METAP2: variants seen among roughly 807,000 people sequenced by gnomAD.
METAP2 encodes methionine aminopeptidase 2.
A neutral mutation model predicts 59.4 loss-of-function variants in METAP2; 25 were observed. The ratio of observed to expected loss-of-function variants is 0.42; its 90% CI spans 0.31 to 0.59. The LOEUF is 0.59. Among genes scored for constraint, METAP2 ranks in the 20% least tolerant of loss-of-function variants. The probability of loss-of-function intolerance (pLI) is 0.16; values close to 1 mark genes in which losing one functional copy is unlikely to be tolerated. For synonymous variants in METAP2, 214 were observed against 194.1 expected (o/e 1.10, Z -0.85); for missense variants, 366 against 581.2 (o/e 0.63, Z 3.81).
intron 4 of METAP2, among the ~76,000 whole-genome samples, chr12:95,488,885 C>T (rs182571904): frequency 3.3e-5 from 5 of 152,162 alleles, no homozygotes; most frequent in African/African-American, 1.2e-4. Flanking sequence ...TAGCCTTACA[C>T]ACACACACAC....
intron 8 of METAP2, among the ~76,000 whole-genome samples, chr12:95,507,354 T>C (rs530016749): frequency 3.0e-4 from 45 of 152,384 alleles, no homozygotes; most frequent in Non-Finnish European, 4.4e-4. Context: ...TTATTCAGGC[T>C]CTTCCAAATC....
chr12:95,479,644 T>C (rs2076144772), intron 2 of METAP2, among the ~76,000 whole-genome samples: 1 of 150,712 alleles, frequency 6.6e-6, no homozygotes, highest in South Asian at 2.1e-4. Context: ...GGAGTCTCAC[T>C]CTTGTCCAGG....
Position 95,474,154 on chromosome 12 carries a change from C to T in METAP2, c.-26C>T, listed in dbSNP as rs760422267. 6.2e-7 allele frequency: 1 copy of T among 1,611,930 alleles called. No homozygotes were observed. Among genetic ancestry groups the T allele is most frequent in the African/African-American group, 1.3e-5 (1 of 74,860 alleles). ...GATCGGGGCCCTCGCCGCTCTGTCT[C>T]ATTCCCTCGCGCTCTCTCGGGCAAC... On this transcript the variant is annotated 5_prime_UTR_variant, in exon 1 of 11. Coordinates refer to ENST00000323666, the MANE Select transcript of METAP2 (RefSeq NM_006838.4).
chr12:95,499,569 G>GT (rs2076300516), intron 7 of METAP2, among the ~76,000 whole-genome samples: 2 of 140,616 alleles, frequency 1.4e-5, no homozygotes, highest in African/African-American at 5.6e-5. Flanking sequence ...ACGAATTTAG[G>GT]ATTTTTTTTT....
rs2076423988 is a variant in METAP2 at position 95,513,865 on chromosome 12, A to G, written c.1398A>G (p.Pro466=). The G allele has an allele frequency of 3.1e-6, 5 of 1,614,178 alleles. No homozygotes were observed. Among genetic ancestry groups the G allele is most frequent in the Non-Finnish European group, 4.2e-6 (5 of 1,180,006 alleles). ...TTGAACATACCATCCTGTTGCGTCC[A>G]ACATGTAAAGAAGTTGTCAGCAGAG... ...AQFEHTILLR[P]TCKEVVSRGD... is the part of the protein sequence containing the mutation. The change falls in exon 11 of 11, where the codon CCA becomes CCG. Residue 466 remains proline (P), a synonymous_variant. Coordinates refer to ENST00000323666, the MANE Select transcript of METAP2 (RefSeq NM_006838.4).
intron 2 of METAP2, 77 bp from the exon 3 acceptor site, chr12:95,483,138 A>G (rs555175444): frequency 2.4e-5 from 25 of 1,053,956 alleles, no homozygotes; most frequent in Admixed American, 3.4e-5. Flanking sequence ...TAGAGCAAAT[A>G]CTTGTCTCCT....
At chr12:95,501,675 A>G (rs1349249024) in intron 7 of METAP2, among the ~76,000 whole-genome samples, 1 of 151,938 alleles carries the variant, frequency 6.6e-6, no homozygotes, top group African/African-American at 2.4e-5. Context: ...AGATTGCGCC[A>G]CTGCACTCCA....
At chr12:95,501,407 A>G (rs963264851) in intron 7 of METAP2, among the ~76,000 whole-genome samples, 3 of 152,222 alleles carry the variant, frequency 2.0e-5, no homozygotes, top group Non-Finnish European at 4.4e-5. Context: ...GTTAATAATA[A>G]TACTAGCTTT....
At position 95,474,220 on chromosome 12, in the gene METAP2, T is replaced by G. The variant is rs749338730; in HGVS notation, c.41T>G (p.Leu14Arg). The stretch of plus-strand genomic sequence containing the variant: ...GAGGTAGCGGCCTCCGGGAGCCACC[T>G]GAATGGCGACCTGGATCCAGACGAC... ...VEEVAASGSH[L>R]NGDLDPDDRE... The change falls in exon 1 of 11, where the codon CTG becomes CGG. Residue 14 changes from leucine to arginine, a missense_variant. Around this residue, in one of 4 missense-constraint regions of METAP2, gnomAD observed 177 missense variants for 180.3 expected, o/e 0.98. Coordinates refer to ENST00000323666, the MANE Select transcript of METAP2 (RefSeq NM_006838.4). The G allele has an allele frequency of 1.9e-6, 3 of 1,614,026 alleles. No homozygotes were observed. In the East Asian group the frequency reaches 6.7e-5, roughly 36 times the overall value.
chr12:95,514,149 G>C lies in METAP2; in HGVS notation c.*245G>C. 2 of 482,696 alleles carry C rather than the reference G, an allele frequency of 4.1e-6. No individual in the cohort carries two copies. The highest frequency in any genetic ancestry group is 3.6e-6 in the Non-Finnish European group (1 of 277,774). The allele number at this position is 482,696 out of a possible 1,614,324, so 29.9% of individuals were successfully genotyped here. On this transcript the variant is annotated 3_prime_UTR_variant, in exon 11 of 11. Transcript: ENST00000323666. ...TTCCTGTCTAGGAAAATGCTATAAA[G>C]CTCAAATTAGTTAGGAATGACTTAT... is the stretch of plus-strand genomic sequence containing the variant.
intron 8 of METAP2, among the ~76,000 whole-genome samples, chr12:95,504,946 G>A (rs932596547): frequency 4.6e-5 from 7 of 152,180 alleles, no homozygotes; most frequent in African/African-American, 1.7e-4. Flanking sequence ...TTCTGGTGCT[G>A]TACGTTAACC....
intron 7 of METAP2, 144 bp downstream of exon 7, chr12:95,496,242 A>T (rs1474110814): frequency 5.6e-6 from 3 of 531,042 alleles, no homozygotes; most frequent in Non-Finnish European, 9.9e-6. Context: ...CATTTCCCTT[A>T]TGGTTTTAAG....
intron 2 of METAP2, 26 bp downstream of exon 2, chr12:95,476,204 G>C (rs2076117118): frequency 9.4e-6 from 14 of 1,492,482 alleles, no homozygotes; most frequent in Admixed American, 9.2e-5. Flanking sequence ...GATCTTTGTG[G>C]TTAGAAAAGC....
At chr12:95,478,037 G>A (rs532215453) in intron 2 of METAP2, among the ~76,000 whole-genome samples, 12 of 152,096 alleles carry the variant, frequency 7.9e-5, no homozygotes, top group Non-Finnish European at 1.5e-4. Flanking sequence ...AAAAATATTG[G>A]CTGGGTGTGG....
intron 2 of METAP2, among the ~76,000 whole-genome samples, chr12:95,482,466 A>C (rs1321260180): frequency 6.6e-6 from 1 of 152,154 alleles, no homozygotes; most frequent in Admixed American, 6.6e-5. Context: ...TGATAATTTC[A>C]TAAGATTGAA....
intron 7 of METAP2, among the ~76,000 whole-genome samples, chr12:95,497,660 C>A (rs1356392538): frequency 6.6e-6 from 1 of 152,148 alleles, no homozygotes; most frequent in Non-Finnish European, 1.5e-5. Flanking sequence ...CTACTACTTT[C>A]CACAGTGGCT....
At chr12:95,509,639 GCT>G (rs2076386828) in intron 8 of METAP2, among the ~76,000 whole-genome samples, 1 of 152,098 alleles carries the variant, frequency 6.6e-6, no homozygotes, top group Non-Finnish European at 1.5e-5. Flanking sequence ...GCTTTCCCTA[GCT>G]CTGTTTGAGT....
intron 8 of METAP2, 43 bp downstream of exon 8, chr12:95,504,204 C>A: frequency 7.4e-7 from 1 of 1,357,052 alleles, no homozygotes; most frequent in Non-Finnish European, 1.0e-6. Flanking sequence ...ATTGATTTTA[C>A]AAACTATTGT....
intron 8 of METAP2, among the ~76,000 whole-genome samples, chr12:95,504,742 G>C (rs569409123): frequency 6.6e-6 from 1 of 152,168 alleles, no homozygotes; most frequent in South Asian, 2.1e-4. Flanking sequence ...GAGCTCAAGC[G>C]ATCCTCCCAC....
Sources: gnomAD v4.1 joint callset for allele counts (sites outside exome capture counted in the v4.1 genomes callset) on GRCh38, gnomAD v4.1.1 for gene constraint, gnomAD v4.1.1 regional missense constraint, MANE v1.5 for transcripts, NCBI Gene and HGNC (gene_info 2026-07-23, HGNC 2026-07-21) for gene names.